Variants in TMCO4 observed in about 807,000 individuals in gnomAD.
The protein encoded by TMCO4 is transmembrane and coiled-coil domain-containing protein 4.
In TMCO4, 58 loss-of-function variants were observed where a neutral mutation model predicts 64.7. The ratio of observed to expected loss-of-function variants is 0.90; its 90% CI spans 0.73 to 1.12. The LOEUF (loss-of-function observed/expected upper bound fraction) is 1.12. Ranked by LOEUF, TMCO4 falls within the 50% of genes most tolerant of loss-of-function variation. The probability of loss-of-function intolerance (pLI) is 0.00; values close to 1 mark genes in which losing one functional copy is unlikely to be tolerated. For missense variants in TMCO4, 780 were observed against 825.9 expected (o/e 0.94, Z 0.68); for synonymous variants, 325 against 346.1 (o/e 0.94, Z 0.68).
rs1175364301 is a variant in TMCO4 at position 19,748,826 on chromosome 1, ATGAATGAG to A, written c.516-1574_516-1567del. ...GGAACAGAGTGAGACCCTGTCTCGA[ATGAATGAG>A]TGAATGAATGAATGAATGAATGAAA... On this transcript the variant is annotated intron_variant, in intron 7 of 15. Coordinates refer to ENST00000294543, the MANE Select transcript of TMCO4 (RefSeq NM_181719.7). Among the ~76,000 whole-genome samples the A allele has an allele frequency of 2.7e-3, 380 of 142,978 alleles. 1 individual carries two copies. The highest frequency in any genetic ancestry group is 8.9e-3 in the African/African-American group (360 of 40,596). The allele number at this position is 142,978 out of a possible 152,430, so 93.8% of individuals were successfully genotyped here.
intron 4 of TMCO4, among the ~76,000 whole-genome samples, chr1:19,772,816 C>T (rs1195792363): frequency 1.3e-5 from 2 of 152,220 alleles, no homozygotes; most frequent in African/African-American, 4.8e-5. Context: ...GCCCCCTGCC[C>T]TTGCACCACA....
At chr1:19,767,141 G>A (rs754244757) in intron 6 of TMCO4, among the ~76,000 whole-genome samples, 9 of 152,178 alleles carry the variant, frequency 5.9e-5, no homozygotes, top group East Asian at 1.9e-4. Flanking sequence ...ATCTGCCAAC[G>A]TTTTGACTAA....
At chr1:19,792,314 C>A (rs2044085720) in intron 2 of TMCO4, among the ~76,000 whole-genome samples, 1 of 152,164 alleles carries the variant, frequency 6.6e-6, no homozygotes, top group Non-Finnish European at 1.5e-5. Context: ...ACAGCCCAGA[C>A]CTGGGATGGA....
chr1:19,747,206 A>C lies in TMCO4; in HGVS notation c.570T>G (p.Tyr190Ter). The change falls in exon 8 of 16, where the codon TAT (tyrosine) becomes TAG (stop). Residue 190 changes from tyrosine to a stop codon, truncating the protein, a stop_gained. Transcript: ENST00000294543. LOFTEE classifies it high-confidence loss of function. ...KKENRRKWKR[Y>*]LLIGLATVGG... ...CGACAGTCGCCAGGCCTATCAGGAG[A>C]TAACGCTTCCATTTCCTCCGGTTTT... The C allele has an allele frequency of 1.9e-6, 3 of 1,614,056 alleles. No homozygotes were observed. Among genetic ancestry groups the C allele is most frequent in the Non-Finnish European group, 2.5e-6 (3 of 1,179,952 alleles).
rs764555061 is a variant in TMCO4 at position 19,682,598 on chromosome 1, T to C, written c.*442A>G. 2 of 716,828 alleles carry C rather than the reference T, an allele frequency of 2.8e-6. No individual in the cohort carries two copies. Among genetic ancestry groups the C allele is most frequent in the Non-Finnish European group, 5.2e-6 (2 of 384,920 alleles). 44.4% of individuals were successfully genotyped at this position (716,828 alleles called of 1,614,324 possible). The stretch of plus-strand genomic sequence containing the variant: ...TGTCAGCTGGTGGGCAGCCCTGGAG[T>C]GTGGATGGAAGAACAGGCATGCACC... On this transcript the variant is annotated 3_prime_UTR_variant, in exon 16 of 16. Transcript: ENST00000294543.
intron 13 of TMCO4, among the ~76,000 whole-genome samples, chr1:19,723,113 T>G (rs1489519608): frequency 6.6e-6 from 1 of 152,204 alleles, no homozygotes; most frequent in Admixed American, 6.5e-5. Context: ...GGCCCTTATC[T>G]GAAATGCGTG....
At chr1:19,790,503 T>C (rs1321921357) in intron 2 of TMCO4, among the ~76,000 whole-genome samples, 1 of 152,024 alleles carries the variant, frequency 6.6e-6, no homozygotes, top group African/African-American at 2.4e-5. Flanking sequence ...GCAAAGTACA[T>C]GAACAGACAC....
At chr1:19,757,609 C>T (rs546399297) in intron 6 of TMCO4, among the ~76,000 whole-genome samples, 4 of 152,224 alleles carry the variant, frequency 2.6e-5, no homozygotes, top group African/African-American at 9.6e-5. Flanking sequence ...TGACCTGGCT[C>T]AACCATCACC....
chr1:19,757,649 T>A (rs1285085480), intron 6 of TMCO4, among the ~76,000 whole-genome samples: 1 of 152,142 alleles, frequency 6.6e-6, no homozygotes, highest in African/African-American at 2.4e-5. Flanking sequence ...GCATCACTCC[T>A]TCCTTTGGGG....
chr1:19,718,801 G>A (rs902376194), intron 13 of TMCO4, among the ~76,000 whole-genome samples: 2 of 152,010 alleles, frequency 1.3e-5, no homozygotes, highest in Admixed American at 6.6e-5. Flanking sequence ...CAGCTCCCTG[G>A]TGTATTTCTT....
At chr1:19,768,063 A>T (rs1327447474) in intron 6 of TMCO4, among the ~76,000 whole-genome samples, 1 of 150,558 alleles carries the variant, frequency 6.6e-6, no homozygotes, top group African/African-American at 2.5e-5. Flanking sequence ...CCTGTACTCC[A>T]GCCTGGCGGA....
At position 19,700,851 on chromosome 1, in the gene TMCO4, C is replaced by T. The variant is rs2095267285; in HGVS notation, c.1299G>A (p.Leu433=). Residue 433 remains leucine (L), a synonymous_variant, in exon 14 of 16, where the codon CTG becomes CTA. Transcript: ENST00000294543. The part of the protein sequence containing the change: ...CQGIIEDVIL[L]GAPVEGEAKH... ...TGGCTTCTCCCTCCACAGGCGCACC[C>T]AGCAGGATGACGTCCTCGATGATTC... The T allele has an allele frequency of 1.9e-6, 3 of 1,614,254 alleles. No homozygotes were observed. In the South Asian group the frequency reaches 3.3e-5, roughly 18 times the overall value.
chr1:19,769,964 C>T (rs570615350), intron 6 of TMCO4, among the ~76,000 whole-genome samples: 9 of 124,252 alleles, frequency 7.2e-5, no homozygotes, highest in East Asian at 1.9e-4. Flanking sequence ...TGCCGGAGGC[C>T]GGCATGGCTG....
Position 19,701,034 on chromosome 1 carries a change from A to G in TMCO4, c.1265-149T>C, listed in dbSNP as rs1240325982. 3 of 629,642 alleles carry G rather than the reference A, an allele frequency of 4.8e-6. No individual in the cohort carries two copies. The Admixed American group carries it at 8.9e-5, about 19-fold the overall frequency. The allele number at this position is 629,642 out of a possible 1,614,324, so 39.0% of individuals were successfully genotyped here. ...CAATCATGTGCAAATGTGCATGTAC[A>G]CACATGCAAACACGCAAACATGCAT... On this transcript the variant is annotated intron_variant, in intron 13 of 15. Transcript: ENST00000294543.
intron 15 of TMCO4, among the ~76,000 whole-genome samples, chr1:19,687,940 A>G (rs2095162614): frequency 6.6e-6 from 1 of 152,072 alleles, no homozygotes; most frequent in South Asian, 2.1e-4. Context: ...TGCTGGGCAG[A>G]GCTCTGGTTT....
intron 4 of TMCO4, among the ~76,000 whole-genome samples, chr1:19,776,422 C>T (rs1032871317): frequency 2.6e-5 from 4 of 152,200 alleles, no homozygotes; most frequent in Non-Finnish European, 4.4e-5. Context: ...CTTATGTGCC[C>T]TCCTAAGTAG....
chr1:19,751,122 C>T (rs554928369), intron 7 of TMCO4, among the ~76,000 whole-genome samples: 80 of 152,314 alleles, frequency 5.3e-4, no homozygotes, highest in African/African-American at 1.7e-3. Flanking sequence ...TTCCAACTCC[C>T]CATCCTCAGC....
chr1:19,703,225 C>T (rs545346457), intron 13 of TMCO4, among the ~76,000 whole-genome samples: 15 of 152,324 alleles, frequency 9.8e-5, no homozygotes, highest in African/African-American at 1.7e-4. Flanking sequence ...TAGCCACTTC[C>T]GAGCTATGTG....
intron 13 of TMCO4, among the ~76,000 whole-genome samples, chr1:19,728,661 C>T (rs958482170): frequency 3.9e-5 from 6 of 152,194 alleles, no homozygotes; most frequent in East Asian, 1.9e-4. Context: ...TGCTGGGAAA[C>T]GTGCTGGGTG....
Sources: gnomAD v4.1 joint callset for allele counts (sites outside exome capture counted in the v4.1 genomes callset) on GRCh38, gnomAD v4.1.1 for gene constraint, MANE v1.5 for transcripts, NCBI Gene and HGNC (gene_info 2026-07-23, HGNC 2026-07-21) for gene names.